Variants in RELN observed in about 807,000 individuals in gnomAD.
RELN encodes reelin.
A neutral mutation model predicts 427.6 loss-of-function variants in RELN; 108 were observed. The observed-to-expected ratio is 0.25, with a 90% CI of 0.22 to 0.30. RELN has a LOEUF of 0.30. RELN is among the 10% of genes least tolerant of loss of function. The pLI is 1.00. For missense variants in RELN, 3,715 were observed against 4,302.8 expected, an observed-to-expected ratio of 0.86 and a Z score of 3.82; for synonymous variants, 1,524 against 1,513.4, an observed-to-expected ratio of 1.01 and a Z score of -0.16.
At chr7:103,888,004 A>C (rs1203332469) in intron 2 of RELN, among the ~76,000 whole-genome samples, 1 of 152,196 alleles carries the variant, frequency 6.6e-6, no homozygotes, top group Non-Finnish European at 1.5e-5. Context: ...TTTTGTGCTT[A>C]GAAGTTAGTG....
In RELN at chr7:103,701,377, A is replaced by G. The variant is rs139542460; in HGVS notation, c.806-371T>C. Among the ~76,000 whole-genome samples, 80 of 152,268 alleles carry G rather than the reference A, an allele frequency of 5.3e-4. No homozygotes were observed. In the East Asian group the frequency reaches 0.013, roughly 25 times the overall value. Reference sequence around the variant, plus strand: ...GTATCAATTAGGAGTGATTATATTAAATGGTACATAAGTCATTACATTGAG... The same window carrying G: ...GTATCAATTAGGAGTGATTATATTAGATGGTACATAAGTCATTACATTGAG... On this transcript the variant is annotated intron_variant, in intron 8 of 64. Transcript: ENST00000428762.
intron 2 of RELN, among the ~76,000 whole-genome samples, chr7:103,874,216 A>G (rs1032233939): frequency 1.7e-5 from 2 of 117,276 alleles, no homozygotes; most frequent in Non-Finnish European, 3.7e-5. Flanking sequence ...TCAAAATAAT[A>G]AGAGCTATCT....
chr7:103,758,565 G>C (rs777525983), intron 4 of RELN, among the ~76,000 whole-genome samples: 8 of 151,484 alleles, frequency 5.3e-5, no homozygotes, highest in Non-Finnish European at 8.8e-5. Context: ...ATACAAATTG[G>C]TAGCAATTTT....
intron 61 of RELN, among the ~76,000 whole-genome samples, 179 bp downstream of exon 61, chr7:103,486,018 G>A (rs1295288389): frequency 5.9e-5 from 9 of 151,344 alleles, no homozygotes; most frequent in Middle Eastern, 3.2e-3. Context: ...AAATTTAAGC[G>A]AAACATAATT....
At chr7:103,806,986 G>A (rs1792615752) in intron 3 of RELN, among the ~76,000 whole-genome samples, 1 of 152,138 alleles carries the variant, frequency 6.6e-6, no homozygotes, top group African/African-American at 2.4e-5. Context: ...ACAGACTAAG[G>A]TAGAGAGACA....
rs182918781 is a variant in RELN at position 103,832,900 on chromosome 7, T to C, written c.473+637A>G. 1.4e-4 allele frequency among the ~76,000 whole-genome samples: 21 copies of C among 152,282 alleles called. No individual in the cohort carries two copies. The East Asian group carries it at 3.7e-3, about 27-fold the overall frequency. ...CTTCCAAAAGGTAGATAAGGCCTTATAGCATTTTGTAACCCGTCTTCACCA... is the reference window on the plus strand; with the variant it reads ...CTTCCAAAAGGTAGATAAGGCCTTACAGCATTTTGTAACCCGTCTTCACCA... On this transcript the variant is annotated intron_variant, in intron 3 of 64. Transcript: ENST00000428762.
At chr7:103,670,925 C>T (rs1419649045) in intron 11 of RELN, among the ~76,000 whole-genome samples, 1 of 151,952 alleles carries the variant, frequency 6.6e-6, no homozygotes, top group Non-Finnish European at 1.5e-5. Context: ...AAGTTGGCAA[C>T]TTTAAGTATG....
chr7:103,630,732 T>C (rs74947149), intron 19 of RELN, among the ~76,000 whole-genome samples: 6,132 of 152,132 alleles, frequency 0.04, 168 homozygotes, highest in East Asian at 0.14. Flanking sequence ...ATCGCATCCA[T>C]ACACAGGTGA....
intron 49 of RELN, among the ~76,000 whole-genome samples, chr7:103,518,541 G>T (rs965099359): frequency 2.3e-4 from 29 of 126,202 alleles, no homozygotes; most frequent in African/African-American, 1.1e-3. Context: ...TTGCTTTGCT[G>T]CCCAGGCTGG....
intron 26 of RELN, 55 bp from the exon 27 acceptor site, chr7:103,593,937 GA>G: frequency 1.5e-6 from 2 of 1,374,926 alleles, no homozygotes; most frequent in South Asian, 2.3e-5. Context: ...TTGAAAACAA[GA>G]AAGGAATTTT....
intron 1 of RELN, among the ~76,000 whole-genome samples, chr7:103,946,149 A>G (rs1796215470): frequency 1.3e-5 from 2 of 152,236 alleles, no homozygotes. Context: ...TGAGCGCATA[A>G]TAGGTGCTGA....
chr7:103,778,454 A>G (rs1022164698), intron 3 of RELN, among the ~76,000 whole-genome samples: 1 of 152,200 alleles, frequency 6.6e-6, no homozygotes, highest in African/African-American at 2.4e-5. Context: ...TTCTAAGTAT[A>G]TAATATTCCT....
Position 103,926,163 on chromosome 7 carries a change from C to T in RELN, c.227-8978G>A, listed in dbSNP as rs191713101. Among the ~76,000 whole-genome samples the T allele has an allele frequency of 2.0e-3, 253 of 127,210 alleles. 2 individuals are homozygous for T. Among genetic ancestry groups the T allele is most frequent in the Admixed American group, 0.019 (207 of 10,744 alleles). The allele number at this position is 127,210 out of a possible 152,430, so 83.5% of individuals were successfully genotyped here. ...GTCTCCAGGCTGGAGTGCAGTGGCACAATCTTGGCTCACTGCAACCTCTGC... is the reference window on the plus strand; with the variant it reads ...GTCTCCAGGCTGGAGTGCAGTGGCATAATCTTGGCTCACTGCAACCTCTGC... On this transcript the variant is annotated intron_variant, in intron 1 of 64. Coordinates refer to ENST00000428762, the MANE Select transcript of RELN (RefSeq NM_005045.4).
intron 25 of RELN, among the ~76,000 whole-genome samples, chr7:103,595,502 T>C (rs1482498277): frequency 6.6e-6 from 1 of 152,188 alleles, no homozygotes; most frequent in African/African-American, 2.4e-5. Flanking sequence ...CCTAATACTT[T>C]AAAAAGTCAA....
At chr7:103,951,350 C>G (rs761169787) in intron 1 of RELN, among the ~76,000 whole-genome samples, 10 of 152,076 alleles carry the variant, frequency 6.6e-5, no homozygotes, top group Non-Finnish European at 1.3e-4. Context: ...TCTAGAGATA[C>G]GATATTTTGG....
chr7:103,517,464 G>A (rs1243411988), intron 49 of RELN, among the ~76,000 whole-genome samples: 1 of 152,114 alleles, frequency 6.6e-6, no homozygotes, highest in Non-Finnish European at 1.5e-5. Context: ...TCCTACCTCA[G>A]TCAATTTGAT....
intron 52 of RELN, 115 bp downstream of exon 52, chr7:103,502,901 G>A (rs1418279151): frequency 3.4e-6 from 3 of 872,014 alleles, no homozygotes; most frequent in Non-Finnish European, 3.8e-6. Context: ...TAGAGTTAGG[G>A]AGAAAGAAAG....
chr7:103,556,425 A>ATG (rs1830521498), intron 38 of RELN, among the ~76,000 whole-genome samples: 1 of 95,056 alleles, frequency 1.1e-5, no homozygotes, highest in Non-Finnish European at 2.0e-5. Context: ...GATTATATAT[A>ATG]CGTGTATATA....
chr7:103,672,568 A>G (rs993270446), intron 11 of RELN, among the ~76,000 whole-genome samples: 2 of 152,212 alleles, frequency 1.3e-5, no homozygotes, highest in Non-Finnish European at 2.9e-5. Context: ...CATCTCTTTT[A>G]ACAGCTTGCA....
Sources: gnomAD v4.1 joint callset for allele counts (sites outside exome capture counted in the v4.1 genomes callset) on GRCh38, gnomAD v4.1.1 for gene constraint, MANE v1.5 for transcripts, NCBI Gene and HGNC (gene_info 2026-07-23, HGNC 2026-07-21) for gene names.